The following CPED1 variants were observed in gnomAD, a reference collection of about 807,000 sequenced individuals.
The protein encoded by CPED1 is cadherin-like and PC-esterase domain-containing protein 1.
In CPED1, 114 loss-of-function variants were observed where a neutral mutation model predicts 128.2. That is an observed-to-expected ratio of 0.89 (90% CI 0.76 to 1.04). The LOEUF (loss-of-function observed/expected upper bound fraction) is 1.04, where lower values mean the gene tolerates loss of function less well. Ranked by LOEUF, CPED1 falls within the 50% of genes least tolerant of loss-of-function variation. The probability of loss-of-function intolerance (pLI) is 0.00; values close to 1 mark genes in which losing one functional copy is unlikely to be tolerated. For synonymous variants in CPED1, 462 were observed against 426.7 expected, an observed-to-expected ratio of 1.08 and a Z score of -1.02; for missense variants, 1,211 against 1,207.1, an observed-to-expected ratio of 1.00 and a Z score of -0.05.
rs1792133953 is a variant in CPED1, at chr7:121,266,738, G to C, written c.2563G>C (p.Val855Leu). 6.2e-7 allele frequency: 1 copy of C among 1,612,918 alleles called. No homozygotes were observed. Among genetic ancestry groups the C allele is most frequent in the Non-Finnish European group, 8.5e-7 (1 of 1,179,242 alleles). The change falls in exon 20 of 23, where the codon GTA becomes CTA. Residue 855 changes from valine (V) to leucine (L), a missense_variant. Val to Leu is a conservative substitution (Grantham distance 32, BLOSUM62 1). Coordinates refer to ENST00000310396, the MANE Select transcript of CPED1 (RefSeq NM_024913.5). ...SRPLENTGQT[V>L]LVVGGVQWLN... ...TCCCCTAGAGAATACTGGCCAGACT[G>C]TATTGGTTGTTGGTGGTGTTCAGTG...
chr7:121,188,382 A>G (rs1339742322), intron 16 of CPED1, among the ~76,000 whole-genome samples: 5 of 152,170 alleles, frequency 3.3e-5, no homozygotes, highest in African/African-American at 9.7e-5. Context: ...AGAATGGGGT[A>G]TCTGTCCCTT....
At chr7:121,077,326 A>G (rs191056227) in intron 5 of CPED1, among the ~76,000 whole-genome samples, 1,576 of 152,288 alleles carry the variant, frequency 0.01, 17 homozygotes, top group Non-Finnish European at 0.016. Context: ...TTTAAAAATG[A>G]CTGGACATGC....
At chr7:121,130,320 T>C (rs2177576) in intron 12 of CPED1, 26 bp downstream of exon 12, 1 of 1,557,260 alleles carries the variant, frequency 6.4e-7, no homozygotes, top group Non-Finnish European at 8.6e-7. Context: ...ATTTGAATTG[T>C]ACAATCCAAA....
At chr7:121,141,781 C>T (rs1193792644) in intron 15 of CPED1, among the ~76,000 whole-genome samples, 192 bp from the exon 16 acceptor site, 1 of 152,038 alleles carries the variant, frequency 6.6e-6, no homozygotes, top group Non-Finnish European at 1.5e-5. Flanking sequence ...TAAAAGAACA[C>T]TCTTGGCATA....
At chr7:121,026,827 C>CTTTTTT (rs71170219) in intron 3 of CPED1, among the ~76,000 whole-genome samples, 7 of 83,446 alleles carry the variant, frequency 8.4e-5, no homozygotes, top group East Asian at 3.8e-4. Flanking sequence ...CCTGTCAGTT[C>CTTTTTT]TTTTTTTTTT....
At chr7:121,069,878 A>G (rs918322296) in intron 5 of CPED1, among the ~76,000 whole-genome samples, 1 of 152,180 alleles carries the variant, frequency 6.6e-6, no homozygotes, top group African/African-American at 2.4e-5. Flanking sequence ...CAGCATCGCC[A>G]TCTAAAAAAT....
chr7:121,249,689 A>C (rs1351658317), intron 18 of CPED1, among the ~76,000 whole-genome samples: 1 of 152,138 alleles, frequency 6.6e-6, no homozygotes, highest in Non-Finnish European at 1.5e-5. Flanking sequence ...AGTGCTGAAC[A>C]TGGAATTAAA....
At chr7:121,130,392 A>G (rs1288176548) in intron 12 of CPED1, 98 bp downstream of exon 12, 5 of 929,802 alleles carry the variant, frequency 5.4e-6, no homozygotes, top group Non-Finnish European at 7.8e-6. Context: ...AGCAGCAACA[A>G]CAAAAAAGTG....
rs1398868759 is a variant in CPED1 at position 121,256,891 on chromosome 7, T to C, written c.2311-9336T>C. Among the ~76,000 whole-genome samples the C allele has an allele frequency of 2.0e-5, 3 of 151,890 alleles. No individual in the cohort carries two copies. In the East Asian group the frequency reaches 5.8e-4, roughly 29 times the overall value. On this transcript the variant is annotated intron_variant, in intron 18 of 22. Transcript: ENST00000310396. ...CATTCCATGGAATACTACACAGTCA[T>C]AAAAAGAGCAAAATCGCATCCTTTG...
At chr7:121,098,602 C>A (rs1006654826) in intron 6 of CPED1, among the ~76,000 whole-genome samples, 30 of 151,262 alleles carry the variant, frequency 2.0e-4, no homozygotes, top group African/African-American at 7.0e-4. Flanking sequence ...CACAGTGGTG[C>A]ATGCCTGTGG....
At chr7:121,243,896 T>G (rs1410693929) in intron 17 of CPED1, among the ~76,000 whole-genome samples, 1 of 152,210 alleles carries the variant, frequency 6.6e-6, no homozygotes, top group Non-Finnish European at 1.5e-5. Context: ...CTTACTGAAG[T>G]GTTCAATGTA....
At chr7:121,099,215 T>C (rs992648498) in intron 6 of CPED1, among the ~76,000 whole-genome samples, 1 of 152,074 alleles carries the variant, frequency 6.6e-6, no homozygotes, top group Non-Finnish European at 1.5e-5. Flanking sequence ...TAGAAGCTTT[T>C]AGAAAGTTTC....
At chr7:121,209,752 T>C (rs979810873) in intron 16 of CPED1, among the ~76,000 whole-genome samples, 18 of 151,934 alleles carry the variant, frequency 1.2e-4, no homozygotes, top group African/African-American at 3.6e-4. Flanking sequence ...AATGGACAAA[T>C]GGGGTCACAT....
chr7:121,130,282 A>C lies in CPED1; in HGVS notation c.1565A>C (p.His522Pro). 6.3e-7 allele frequency: 1 copy of C among 1,599,064 alleles called. No individual in the cohort carries two copies. The highest frequency in any genetic ancestry group is 2.3e-5 in the East Asian group (1 of 44,086). Reference protein sequence around the residue: ...FQFMNKKTQPHPLEWNSFTED... With the variant: ...FQFMNKKTQPPPLEWNSFTED... ...TTCATGAATAAAAAGACACAGCCAC[A>C]TCCACTGGAATGGTAAGATAGCCAC... The change falls in exon 12 of 23, where the codon CAT (histidine) becomes CCT (proline). Residue 522 changes from histidine to proline, a missense_variant. Coordinates refer to ENST00000310396, the MANE Select transcript of CPED1 (RefSeq NM_024913.5).
chr7:121,172,960 C>G (rs1276012643), intron 16 of CPED1, among the ~76,000 whole-genome samples: 1 of 152,108 alleles, frequency 6.6e-6, no homozygotes, highest in Non-Finnish European at 1.5e-5. Flanking sequence ...TTCTGAAGAA[C>G]ACATATCTAC....
At chr7:121,113,016 A>G (rs1795150333) in intron 7 of CPED1, among the ~76,000 whole-genome samples, 1 of 152,216 alleles carries the variant, frequency 6.6e-6, no homozygotes, top group Non-Finnish European at 1.5e-5. Context: ...AAGTAAGTTT[A>G]TAATGGTTAT....
intron 16 of CPED1, among the ~76,000 whole-genome samples, chr7:121,144,630 T>G (rs867127745): frequency 6.6e-6 from 1 of 151,970 alleles, no homozygotes; most frequent in African/African-American, 2.4e-5. Flanking sequence ...ACAGGGCAAC[T>G]GTAGTTAGCA....
intron 16 of CPED1, among the ~76,000 whole-genome samples, chr7:121,204,490 G>T (rs1228771652): frequency 3.3e-5 from 5 of 152,228 alleles, no homozygotes; most frequent in Admixed American, 2.6e-4. Flanking sequence ...GTCAGACTTT[G>T]TTCCTATGGG....
intron 3 of CPED1, among the ~76,000 whole-genome samples, chr7:121,028,150 A>C (rs1214177235): frequency 6.6e-6 from 1 of 152,170 alleles, no homozygotes; most frequent in Non-Finnish European, 1.5e-5. Context: ...TGCAGACTGC[A>C]GATTGCTGGG....
Sources: allele counts gnomAD v4.1 joint callset (sites outside exome capture counted in the v4.1 genomes callset), GRCh38; gene constraint gnomAD v4.1.1; transcripts MANE v1.5; gene names NCBI Gene and HGNC (gene_info 2026-07-23, HGNC 2026-07-21).